Variants in ADCY9 observed in about 807,000 individuals in gnomAD.
ADCY9 encodes the protein adenylate cyclase type 9.
In ADCY9, 50 loss-of-function variants were observed where a neutral mutation model predicts 101.5. The ratio of observed to expected loss-of-function variants is 0.49; its 90% CI spans 0.39 to 0.62. The LOEUF (loss-of-function observed/expected upper bound fraction) is 0.62. Among genes scored for constraint, ADCY9 ranks in the 20% least tolerant of loss-of-function variants. ADCY9 has a pLI of 0.00. For synonymous variants in ADCY9, 905 were observed against 769.3 expected (o/e 1.18, Z -2.92); for missense variants, 1,662 against 1,800.4 (o/e 0.92, Z 1.39).
At chr16:3,990,705 G>C (rs931611974) in intron 5 of ADCY9, among the ~76,000 whole-genome samples, 4 of 152,220 alleles carry the variant, frequency 2.6e-5, no homozygotes, top group Non-Finnish European at 5.9e-5. Context: ...TGAGGGAAGA[G>C]CAACCACGCA....
chr16:4,093,180 T>C (rs378200), intron 2 of ADCY9, among the ~76,000 whole-genome samples: 135,724 of 152,242 alleles, frequency 0.89, 60,643 homozygotes, highest in East Asian at 0.99. Flanking sequence ...ATCTGATTGA[T>C]TAAAAGAGAA....
chr16:4,084,253 A>T (rs946342816), intron 2 of ADCY9, among the ~76,000 whole-genome samples: 3 of 152,034 alleles, frequency 2.0e-5, no homozygotes, highest in African/African-American at 7.2e-5. Flanking sequence ...CTGGGATTAC[A>T]GGCACCCACC....
chr16:4,091,674 T>G (rs1050247576), intron 2 of ADCY9, among the ~76,000 whole-genome samples: 5 of 152,186 alleles, frequency 3.3e-5, no homozygotes, highest in Admixed American at 6.5e-5. Flanking sequence ...GAATGAACCT[T>G]GGAAACATGC....
chr16:3,957,381 T>G (rs1452898177), intron 5 of ADCY9, among the ~76,000 whole-genome samples: 1 of 152,186 alleles, frequency 6.6e-6, no homozygotes, highest in Non-Finnish European at 1.5e-5. Flanking sequence ...TATTTGCGTA[T>G]GTGAAAACAG....
chr16:3,965,256 T>C lies in ADCY9; in HGVS notation c.*519A>G, dbSNP rs1167855453. 1 of 157,906 alleles carries C rather than the reference T, an allele frequency of 6.3e-6. No individual in the cohort carries two copies. Among genetic ancestry groups the C allele is most frequent in the South Asian group, 1.9e-4 (1 of 5,158 alleles). The allele number at this position is 157,906 out of a possible 1,614,324, so 9.8% of individuals were successfully genotyped here. On this transcript the variant is annotated 3_prime_UTR_variant, in exon 11 of 11. Coordinates refer to ENST00000294016, the MANE Select transcript of ADCY9 (RefSeq NM_001116.4). ...GGATTACTGGCACTTTATATCAGAT[T>C]CATGAATGCAAGTGTGTGTGCGCAT...
chr16:4,042,224 A>G (rs1029229935), intron 2 of ADCY9, among the ~76,000 whole-genome samples: 1 of 151,768 alleles, frequency 6.6e-6, no homozygotes, highest in African/African-American at 2.4e-5. Context: ...CGCCCAGCTG[A>G]CTCAGCTGTT....
intron 6 of ADCY9, among the ~76,000 whole-genome samples, chr16:3,986,640 T>C (rs1012415471): frequency 2.0e-5 from 3 of 152,118 alleles, no homozygotes; most frequent in Non-Finnish European, 4.4e-5. Flanking sequence ...GTATTTTTAG[T>C]AGAGACGGGG....
At chr16:4,038,423 G>A (rs1431446327) in intron 2 of ADCY9, among the ~76,000 whole-genome samples, 1 of 152,106 alleles carries the variant, frequency 6.6e-6, no homozygotes, top group Admixed American at 6.6e-5. Flanking sequence ...GAACGAGTCC[G>A]TAGCCTTTGC....
At position 4,114,833 on chromosome 16, in the gene ADCY9, T is replaced by C. The variant is rs1445635187; in HGVS notation, c.610A>G (p.Ser204Gly). ...VLTPVSGRGD[S>G]SNLTATARPT... ...CGGGCTGTGGCCGTAAGGTTGGAGC[T>C]GTCGCCGCGTCCTGAGACAGGCGTC... The change falls in exon 2 of 11, where the codon AGC (serine) becomes GGC (glycine). Residue 204 changes from serine to glycine, a missense_variant. Physicochemically the swap from Ser to Gly is moderately conservative, Grantham distance 56. Transcript: ENST00000294016. This position sits in a 1 kb window ranked among gnomAD's most constrained non-coding sequence, Gnocchi z 4.3. The C allele has an allele frequency of 6.2e-7, 1 of 1,613,496 alleles. No individual in the cohort carries two copies. The highest frequency in any genetic ancestry group is 8.5e-7 in the Non-Finnish European group (1 of 1,180,038).
At position 4,114,621 on chromosome 16, in the gene ADCY9, G is replaced by C; in HGVS notation, c.822C>G (p.Ala274=). ...RDEACFPSPG[A]GALHWELLSR... ...TCAGCAGCTCCCAGTGCAGGGCCCCGGCTCCGGGCGAGGGGAAGCAGGCTT... is the reference window on the plus strand; with the variant it reads ...TCAGCAGCTCCCAGTGCAGGGCCCCCGCTCCGGGCGAGGGGAAGCAGGCTT... Residue 274 remains alanine (A), a synonymous_variant, in exon 2 of 11, where the codon GCC becomes GCG. Transcript: ENST00000294016. This position sits in a 1 kb window ranked among gnomAD's most constrained non-coding sequence, Gnocchi z 4.3. 6.2e-7 allele frequency: 1 copy of C among 1,613,686 alleles called. No homozygotes were observed. Among genetic ancestry groups the C allele is most frequent in the Non-Finnish European group, 8.5e-7 (1 of 1,180,018 alleles).
intron 2 of ADCY9, among the ~76,000 whole-genome samples, chr16:4,060,773 C>A (rs559611852): frequency 6.6e-6 from 1 of 151,994 alleles, no homozygotes; most frequent in Non-Finnish European, 1.5e-5. Flanking sequence ...GTTGCTACAA[C>A]GTATTAACTA....
rs2057140160 is a variant in ADCY9 at position 4,115,051 on chromosome 16, C to T, written c.392G>A (p.Ser131Asn). 5 of 1,614,104 alleles carry T rather than the reference C, an allele frequency of 3.1e-6. No individual in the cohort carries two copies. The highest frequency in any genetic ancestry group is 3.4e-6 in the Non-Finnish European group (4 of 1,180,046). ...TCTCATGTGGACCGCAAAATAGATG[C>T]TCCACAGAAGGCAGGCGAAGCCGAT... ...FYIGFACLLW[S>N]IYFAVHMRSR... The change falls in exon 2 of 11, where the codon AGC (serine) becomes AAC (asparagine). Residue 131 changes from serine (S) to asparagine (N), a missense_variant. By Grantham distance (46) the Ser-to-Asn change is conservative (BLOSUM62 1). This residue lies in a region of ADCY9 where 422 missense variants were observed against 392.0 expected (regional missense o/e 1.08). Transcript: ENST00000294016. This position sits in a 1 kb window ranked among gnomAD's most constrained non-coding sequence, Gnocchi z 6.2.
intron 7 of ADCY9, chr16:3,982,816 C>T (rs1360411060): frequency 1.1e-5 from 2 of 181,104 alleles, no homozygotes; most frequent in Non-Finnish European, 2.3e-5. Flanking sequence ...GAGACCACTG[C>T]CTGAGGCAAG....
intron 2 of ADCY9, among the ~76,000 whole-genome samples, chr16:4,101,898 C>G (rs1397315351): frequency 6.6e-6 from 1 of 152,110 alleles, no homozygotes; most frequent in African/African-American, 2.4e-5. Context: ...GCCTGCTGAA[C>G]CCCCGAGGGT....
At chr16:4,045,647 G>A (rs996389761) in intron 2 of ADCY9, among the ~76,000 whole-genome samples, 2 of 141,200 alleles carry the variant, frequency 1.4e-5, no homozygotes, top group African/African-American at 5.2e-5. Context: ...CTCCCAATTT[G>A]CTGCATCCAT....
chr16:3,969,569 AATATATATATATATATATATATATATAT>A (rs57260468), intron 10 of ADCY9, among the ~76,000 whole-genome samples: 817 of 45,248 alleles, frequency 0.018, 58 homozygotes, highest in African/African-American at 0.049. Context: ...GTTTGTTTGA[AATATATATATATATATATATATATATAT>A]ATATATATAT....
intron 5 of ADCY9, among the ~76,000 whole-genome samples, chr16:3,990,032 C>G (rs2056231663): frequency 6.6e-6 from 1 of 152,182 alleles, no homozygotes; most frequent in Non-Finnish European, 1.5e-5. Context: ...CTCTTTCATT[C>G]ATTTATGAAT....
intron 3 of ADCY9, among the ~76,000 whole-genome samples, chr16:4,006,356 G>A (rs1277492237): frequency 1.3e-5 from 2 of 152,208 alleles, no homozygotes; most frequent in Admixed American, 6.5e-5. Flanking sequence ...CGCGATCCAC[G>A]AGCGGAGTTG....
chr16:3,980,793 G>C (rs1056900252), intron 7 of ADCY9, among the ~76,000 whole-genome samples: 1 of 152,196 alleles, frequency 6.6e-6, no homozygotes, highest in Admixed American at 6.5e-5. Flanking sequence ...CTAGGAGGGG[G>C]GACAGAGGGA....
Sources: gnomAD v4.1 joint callset for allele counts (sites outside exome capture counted in the v4.1 genomes callset) on GRCh38, gnomAD v4.1.1 for gene constraint, gnomAD v4.1.1 regional missense constraint, Gnocchi (gnomAD v3.1) non-coding constraint, MANE v1.5 for transcripts, NCBI Gene and HGNC (gene_info 2026-07-23, HGNC 2026-07-21) for gene names.